PNPLA3: variants seen among roughly 807,000 people sequenced by gnomAD.
PNPLA3 encodes the protein 1-acylglycerol-3-phosphate O-acyltransferase PNPLA3.
Under a neutral mutation model 43.1 loss-of-function variants are expected in PNPLA3, and 42 were observed. That is an observed-to-expected ratio of 0.97 (90% CI 0.76 to 1.26). The LOEUF (loss-of-function observed/expected upper bound fraction) is 1.26. PNPLA3 is among the 50% of genes most tolerant of loss of function. The pLI, the probability that PNPLA3 is intolerant of heterozygous loss-of-function variation, is 0.00. For missense variants in PNPLA3, 647 were observed against 621.4 expected (o/e 1.04, Z -0.44); for synonymous variants, 272 against 253.6 (o/e 1.07, Z -0.69).
Position 43,946,435 on chromosome 22 carries a change from C to T in PNPLA3, c.*53C>T. 2 of 1,523,068 alleles carry T rather than the reference C, an allele frequency of 1.3e-6. No homozygotes were observed. Among genetic ancestry groups the T allele is most frequent in the South Asian group, 1.1e-5 (1 of 88,946 alleles). 94.3% of individuals were successfully genotyped at this position (1,523,068 alleles called of 1,614,324 possible). A position where few individuals can be genotyped will look rare whatever the true frequency, so the allele number is the denominator to read the frequency against. ...TTCTTTCAGAGGTGCTAAAGTTTCC[C>T]ATCTTTGTGCAGCTACCTCCGCATT... On this transcript the variant is annotated 3_prime_UTR_variant, in exon 9 of 9. Transcript: ENST00000216180.
intron 3 of PNPLA3, among the ~76,000 whole-genome samples, chr22:43,930,065 T>C (rs937630694): frequency 3.3e-5 from 5 of 152,184 alleles, no homozygotes; most frequent in Admixed American, 2.0e-4. Context: ...AGCGGAACCT[T>C]TGATGCAATC....
At chr22:43,944,628 T>C in intron 7 of PNPLA3, 63 bp from the exon 8 acceptor site, 2 of 1,321,652 alleles carry the variant, frequency 1.5e-6, no homozygotes, top group Non-Finnish European at 2.2e-6. Flanking sequence ...AAACAAAGGG[T>C]AGTGTTGTAA....
chr22:43,924,323 C>T (rs1360588020), intron 1 of PNPLA3: 1 of 546,180 alleles, frequency 1.8e-6, no homozygotes, highest in East Asian at 3.5e-5. Context: ...CGGGCCGAAG[C>T]CTGGGACTCT....
Position 43,934,603 on chromosome 22 carries a change from C to T in PNPLA3, c.697-3C>T. The T allele has an allele frequency of 6.2e-7, 1 of 1,613,326 alleles. No individual in the cohort carries two copies. The highest frequency in any genetic ancestry group is 1.1e-5 in the South Asian group (1 of 91,056). ...GTAGTCCCCTTGCTTGCTTTGCTCA[C>T]AGGTGCTGGGAGAGATATGCCTTCG... On this transcript the variant is annotated splice_polypyrimidine_tract_variant and splice_region_variant and intron_variant, in intron 4 of 8. Transcript: ENST00000216180.
chr22:43,936,192 T>G (rs965130029), intron 5 of PNPLA3, among the ~76,000 whole-genome samples: 4 of 151,938 alleles, frequency 2.6e-5, no homozygotes, highest in African/African-American at 9.7e-5. Flanking sequence ...AAGCAGCATC[T>G]GCCTGAGAAC....
chr22:43,933,126 G>T, intron 4 of PNPLA3, 39 bp downstream of exon 4: 2 of 1,563,838 alleles, frequency 1.3e-6, no homozygotes, highest in Non-Finnish European at 1.8e-6. Flanking sequence ...CTGGGGTGCA[G>T]CTCTTCTTTG....
chr22:43,925,198 C>A (rs1472923636), intron 1 of PNPLA3, among the ~76,000 whole-genome samples: 1 of 152,174 alleles, frequency 6.6e-6, no homozygotes, highest in African/African-American at 2.4e-5. Flanking sequence ...CCCACCCTCC[C>A]CTCTCCGGCT....
chr22:43,940,524 T>TGAAGGCCGGCGCCGTGGCTCACGGCTG (rs1172834102), intron 7 of PNPLA3, among the ~76,000 whole-genome samples: 2 of 152,202 alleles, frequency 1.3e-5, no homozygotes, highest in African/African-American at 4.8e-5. Context: ...TAAAATCACA[T>TGAAGGCCGGCGCCGTGGCTCACGGCTG]GAAGGCCGGC....
rs1345517065 is a variant in PNPLA3 at position 43,926,990 on chromosome 22, T to C, written c.243T>C (p.Ile81=). ...TGCGGAAGGCCAGGAGTCGGAACAT[T>C]GGCATCTTCCATCCATCCTTCAACT... ...DLVRKARSRN[I]GIFHPSFNLS... is the part of the protein sequence containing the mutation. The change falls in exon 2 of 9, where the codon ATT becomes ATC. Residue 81 remains isoleucine, a synonymous_variant. Transcript: ENST00000216180. 5.6e-6 allele frequency: 9 copies of C among 1,614,232 alleles called. No homozygotes were observed. The highest frequency in any genetic ancestry group is 7.6e-6 in the Non-Finnish European group (9 of 1,180,038).
At chr22:43,945,965 C>A (rs1011618618) in intron 8 of PNPLA3, among the ~76,000 whole-genome samples, 189 bp from the exon 9 acceptor site, 5 of 152,134 alleles carry the variant, frequency 3.3e-5, no homozygotes, top group Admixed American at 3.3e-4. Flanking sequence ...GGGCCACAGG[C>A]TTGGAAGACC....
intron 4 of PNPLA3, 70 bp from the exon 5 acceptor site, chr22:43,934,536 T>A: frequency 6.8e-7 from 1 of 1,470,356 alleles, no homozygotes; most frequent in Non-Finnish European, 9.5e-7. Context: ...TCTGCGGTCT[T>A]CCAATGATGC....
chr22:43,942,973 G>T (rs2050041164), intron 7 of PNPLA3, among the ~76,000 whole-genome samples: 2 of 151,914 alleles, frequency 1.3e-5, no homozygotes, highest in South Asian at 4.1e-4. Flanking sequence ...TCCTGGGTTG[G>T]ATTCCTGTCT....
Position 43,933,516 on chromosome 22 carries a change from A to T in PNPLA3, c.696+429A>T, listed in dbSNP as rs1269950477. 2.6e-5 allele frequency among the ~76,000 whole-genome samples: 4 copies of T among 151,924 alleles called. No homozygotes were observed. The South Asian group carries it at 6.2e-4, about 24-fold the overall frequency. ...GTCCTCCCACCTCAGCCTCCTAAGGAGCTGGGACCCACAGGCATGCAGCAC... is the reference window on the plus strand; with the variant it reads ...GTCCTCCCACCTCAGCCTCCTAAGGTGCTGGGACCCACAGGCATGCAGCAC... On this transcript the variant is annotated intron_variant, in intron 4 of 8. Transcript: ENST00000216180.
At chr22:43,940,858 C>T (rs779310915) in intron 7 of PNPLA3, among the ~76,000 whole-genome samples, 5 of 150,686 alleles carry the variant, frequency 3.3e-5, no homozygotes, top group Non-Finnish European at 7.4e-5. Flanking sequence ...AATCAAGTCA[C>T]GGCCGGGCAC....
chr22:43,929,089 GTAAT>G (rs2049944825), intron 3 of PNPLA3, among the ~76,000 whole-genome samples, 200 bp downstream of exon 3: 1 of 152,238 alleles, frequency 6.6e-6, no homozygotes, highest in African/African-American at 2.4e-5. Context: ...TACTGCATGT[GTAAT>G]TAATTATTTG....
chr22:43,945,775 G>A (rs931276571), intron 8 of PNPLA3, among the ~76,000 whole-genome samples: 2 of 152,134 alleles, frequency 1.3e-5, no homozygotes, highest in Admixed American at 1.3e-4. Context: ...GGAGGTGTCG[G>A]TTCCAAGCCT....
intron 5 of PNPLA3, among the ~76,000 whole-genome samples, chr22:43,935,150 C>G (rs1018930920): frequency 6.6e-6 from 1 of 152,158 alleles, no homozygotes; most frequent in African/African-American, 2.4e-5. Flanking sequence ...TCAAGTCATC[C>G]TGGCTTGTCA....
intron 3 of PNPLA3, among the ~76,000 whole-genome samples, chr22:43,931,353 A>T (rs1395325899): frequency 6.6e-6 from 1 of 152,150 alleles, no homozygotes; most frequent in African/African-American, 2.4e-5. Context: ...AATTCAAAAC[A>T]TTACTATAAA....
At chr22:43,927,490 G>GAA (rs139048) in intron 2 of PNPLA3, among the ~76,000 whole-genome samples, 158 of 140,670 alleles carry the variant, frequency 1.1e-3, no homozygotes, top group East Asian at 1.9e-3. Context: ...ATGCTGTCTG[G>GAA]AAAAAAAAAA....
Sources: gnomAD v4.1 joint callset for allele counts (sites outside exome capture counted in the v4.1 genomes callset) on GRCh38, gnomAD v4.1.1 for gene constraint, MANE v1.5 for transcripts, NCBI Gene and HGNC (gene_info 2026-07-23, HGNC 2026-07-21) for gene names.